TCF12: variants seen among roughly 807,000 people sequenced by gnomAD.
TCF12 encodes DNA-binding protein HTF4.
Under a neutral mutation model 86.0 loss-of-function variants are expected in TCF12, and 45 were observed. That is an observed-to-expected ratio of 0.52 (90% CI 0.41 to 0.67). The LOEUF (loss-of-function observed/expected upper bound fraction) is 0.67, where lower values mean the gene tolerates loss of function less well. TCF12 is among the 30% of genes least tolerant of loss of function. The pLI, the probability that TCF12 is intolerant of heterozygous loss-of-function variation, is 0.00. For missense variants in TCF12, 881 were observed against 859.9 expected (o/e 1.02, Z -0.31); for synonymous variants, 330 against 299.6 (o/e 1.10, Z -1.05).
intron 8 of TCF12, among the ~76,000 whole-genome samples, chr15:57,202,951 G>A (rs1284503727): frequency 2.0e-5 from 3 of 152,042 alleles, no homozygotes; most frequent in Non-Finnish European, 2.9e-5. Context: ...ATTTAAAGAA[G>A]TTTAGCATTT....
chr15:57,186,425 G>A (rs1442237439), intron 6 of TCF12, among the ~76,000 whole-genome samples: 2 of 152,014 alleles, frequency 1.3e-5, no homozygotes, highest in Non-Finnish European at 2.9e-5. Context: ...CATGAGCCTG[G>A]GAGGTCAAGG....
intron 3 of TCF12, among the ~76,000 whole-genome samples, chr15:57,019,747 A>G (rs2065360733): frequency 6.9e-6 from 1 of 144,666 alleles, no homozygotes; most frequent in Non-Finnish European, 1.6e-5. Flanking sequence ...TGTTATCTAT[A>G]GGAGCAATTG....
chr15:56,918,257 GGGGACCT>G (rs2140137973), upstream of TCF12: 1 of 456,232 alleles, frequency 2.2e-6, no homozygotes, highest in East Asian at 7.0e-5. Context: ...CGGGAAGCTC[GGGGACCT>G]GGGCAGCGGA....
intron 7 of TCF12, among the ~76,000 whole-genome samples, chr15:57,196,883 C>T (rs2057292637): frequency 6.6e-6 from 1 of 152,036 alleles, no homozygotes; most frequent in Non-Finnish European, 1.5e-5. Flanking sequence ...TGTCAATGCC[C>T]ATATTTAATA....
At chr15:57,198,366 A>G (rs1489794125) in intron 8 of TCF12, among the ~76,000 whole-genome samples, 2 of 152,032 alleles carry the variant, frequency 1.3e-5, no homozygotes, top group African/African-American at 4.8e-5. Flanking sequence ...AGCCTTTCCT[A>G]ACTTCAGCCT....
intron 3 of TCF12, among the ~76,000 whole-genome samples, chr15:56,943,477 A>G (rs2060867378): frequency 6.6e-6 from 1 of 152,246 alleles, no homozygotes; most frequent in Non-Finnish European, 1.5e-5. Context: ...TTCCTTATGT[A>G]TAGGCCCTTG....
chr15:57,252,927 C>CTTTT (rs57946842), intron 15 of TCF12, among the ~76,000 whole-genome samples: 8 of 89,770 alleles, frequency 8.9e-5, no homozygotes, highest in Admixed American at 1.2e-4. Context: ...ATAGGTTGTA[C>CTTTT]TTTTTTTTTT....
chr15:56,922,893 A>G (rs527417100), intron 3 of TCF12, among the ~76,000 whole-genome samples: 1 of 152,038 alleles, frequency 6.6e-6, no homozygotes, highest in East Asian at 1.9e-4. Context: ...AGAAATTGGT[A>G]TAGTAACATT....
At chr15:57,116,000 T>C (rs2050809562) in intron 5 of TCF12, among the ~76,000 whole-genome samples, 1 of 152,234 alleles carries the variant, frequency 6.6e-6, no homozygotes, top group Admixed American at 6.5e-5. Context: ...ACATAGTTCC[T>C]TACTGTTTTG....
intron 5 of TCF12, among the ~76,000 whole-genome samples, chr15:57,133,257 C>T (rs1395476394): frequency 6.6e-6 from 1 of 152,246 alleles, no homozygotes; most frequent in Non-Finnish European, 1.5e-5. Context: ...TTTCTAGCTT[C>T]AGGTTGTTTT....
intron 3 of TCF12, among the ~76,000 whole-genome samples, chr15:56,989,496 G>A (rs1230903497): frequency 6.6e-6 from 1 of 152,180 alleles, no homozygotes; most frequent in Non-Finnish European, 1.5e-5. Context: ...GCTATAGTTT[G>A]CAAACCTTTG....
intron 3 of TCF12, among the ~76,000 whole-genome samples, chr15:56,963,424 C>CTTTAGCTTAGTTCT (rs2140611573): frequency 6.6e-6 from 1 of 152,258 alleles, no homozygotes; most frequent in East Asian, 1.9e-4. Flanking sequence ...TAGTTCTAGG[C>CTTTAGCTTAGTTCT]AGAATTTAGC....
At chr15:57,024,205 CAA>C (rs1364049599) in intron 3 of TCF12, among the ~76,000 whole-genome samples, 1 of 133,070 alleles carries the variant, frequency 7.5e-6, no homozygotes, top group Non-Finnish European at 1.6e-5. Flanking sequence ...GACCCATACT[CAA>C]AAAAGTGTCT....
At chr15:56,974,444 T>C (rs192179827) in intron 3 of TCF12, among the ~76,000 whole-genome samples, 1 of 152,184 alleles carries the variant, frequency 6.6e-6, no homozygotes, top group Admixed American at 6.5e-5. Flanking sequence ...TTCTGTACTC[T>C]TGCAAATTAT....
At chr15:57,176,044 A>G (rs1206989161) in intron 6 of TCF12, among the ~76,000 whole-genome samples, 2 of 152,180 alleles carry the variant, frequency 1.3e-5, no homozygotes, top group African/African-American at 4.8e-5. Flanking sequence ...CTGAAATAAA[A>G]GACCTTAAAA....
At position 57,145,528 on chromosome 15, in the gene TCF12, G is replaced by A. The variant is rs117335293; in HGVS notation, c.326-20874G>A. ...CTAGGGATCATTGATAATGAGTGAT[G>A]GACTTCTAATTCTTACATTATTTGC... On this transcript the variant is annotated intron_variant, in intron 5 of 20. Coordinates refer to ENST00000333725, the MANE Select transcript of TCF12 (RefSeq NM_207037.2). 8.9e-4 allele frequency among the ~76,000 whole-genome samples: 136 copies of A among 152,186 alleles called. 2 individuals carry two copies. In the East Asian group the frequency reaches 0.015, roughly 17 times the overall value.
At chr15:57,026,486 C>G (rs758575330) in intron 3 of TCF12, among the ~76,000 whole-genome samples, 1 of 152,180 alleles carries the variant, frequency 6.6e-6, no homozygotes, top group Admixed American at 6.5e-5. Flanking sequence ...GGAATCCTGA[C>G]TTCTGCCAAC....
chr15:56,942,243 A>T (rs2060810647), intron 3 of TCF12, among the ~76,000 whole-genome samples: 1 of 152,214 alleles, frequency 6.6e-6, no homozygotes, highest in Non-Finnish European at 1.5e-5. Flanking sequence ...TGTATTTTTG[A>T]ATTTTGTGAA....
intron 3 of TCF12, among the ~76,000 whole-genome samples, chr15:57,040,773 A>G (rs1820995): frequency 0.46 from 69,946 of 152,030 alleles, 16,655 homozygotes; most frequent in East Asian, 0.59. Flanking sequence ...TACTGCCTTG[A>G]TTAGGGTGAA....
Sources: gnomAD v4.1 joint callset for allele counts (sites outside exome capture counted in the v4.1 genomes callset) on GRCh38, gnomAD v4.1.1 for gene constraint, MANE v1.5 for transcripts, NCBI Gene and HGNC (gene_info 2026-07-23, HGNC 2026-07-21) for gene names.